The following ACKR2 variants were observed in gnomAD, a reference collection of about 807,000 sequenced individuals.
ACKR2 encodes the protein C-C chemokine receptor D6.
For missense variants in ACKR2, 457 were observed against 477.3 expected (o/e 0.96, Z 0.40); for synonymous variants, 207 against 192.2 (o/e 1.08, Z -0.64).
In ACKR2 at chr3:42,863,227, T is replaced by C. The variant is rs13062321; in HGVS notation, c.-37-1239T>C. On this transcript the variant is annotated intron_variant, in intron 2 of 2. Transcript: ENST00000422265. ...CAGATACTTCTCAAAAGAAGACATT[T>C]ATGCAGTCAACAAACATATGAAAAA... is the stretch of plus-strand genomic sequence containing the variant. 1.1e-3 allele frequency among the ~76,000 whole-genome samples: 169 copies of C among 152,324 alleles called. 1 individual carries two copies. The highest frequency in any genetic ancestry group is 2.0e-3 in the Non-Finnish European group (133 of 68,038).
chr3:42,810,321 A>T (rs1440140699), intron 1 of ACKR2, among the ~76,000 whole-genome samples: 1 of 152,148 alleles, frequency 6.6e-6, no homozygotes, highest in African/African-American at 2.4e-5. Flanking sequence ...GTTTAAAAAG[A>T]CTGGGTGTAT....
chr3:42,860,610 A>C (rs2088375765), intron 2 of ACKR2, among the ~76,000 whole-genome samples: 1 of 152,220 alleles, frequency 6.6e-6, no homozygotes, highest in Non-Finnish European at 1.5e-5. Flanking sequence ...ACATAATTGG[A>C]AGTAAAACAG....
chr3:42,816,120 A>G (rs558156626), intron 1 of ACKR2, among the ~76,000 whole-genome samples: 5 of 151,968 alleles, frequency 3.3e-5, no homozygotes, highest in Non-Finnish European at 5.9e-5. Context: ...TTGTTACGAC[A>G]TTCTGTGGGT....
At position 42,864,725 on chromosome 3, in the gene ACKR2, G is replaced by A. The variant is rs1022451688; in HGVS notation, c.223G>A (p.Val75Met). 5 of 1,614,190 alleles carry A rather than the reference G, an allele frequency of 3.1e-6. No individual in the cohort carries two copies. In the East Asian group the frequency reaches 6.7e-5, roughly 22 times the overall value. Residue 75 changes from valine to methionine, a missense_variant, in exon 3 of 3, where the codon GTG (valine) becomes ATG (methionine). By Grantham distance (21) the Val-to-Met change is conservative. Transcript: ENST00000422265. ...TCTTCTCATGGTCTTGCTCCGTTAC[G>A]TGCCTCGCAGGCGGATGGTTGAGAT... ...LLLLMVLLRYVPRRRMVEIYL... is the reference protein window; with the variant it reads ...LLLLMVLLRYMPRRRMVEIYL...
intron 2 of ACKR2, among the ~76,000 whole-genome samples, chr3:42,836,328 A>G (rs1422800580): frequency 6.6e-6 from 1 of 152,144 alleles, no homozygotes; most frequent in African/African-American, 2.4e-5. Context: ...CAATTCCACA[A>G]TCCACCAGAT....
At chr3:42,828,090 A>ATTTTTTTTTTTTTTTT (rs200255129) in intron 2 of ACKR2, among the ~76,000 whole-genome samples, 1 of 91,872 alleles carries the variant, frequency 1.1e-5, no homozygotes, top group African/African-American at 4.3e-5. Context: ...ATATATATAT[A>ATTTTTTTTTTTTTTTT]TATTTTTTTT....
chr3:42,830,492 A>C (rs1559686499), intron 2 of ACKR2, among the ~76,000 whole-genome samples: 1 of 152,062 alleles, frequency 6.6e-6, no homozygotes, highest in Non-Finnish European at 1.5e-5. Flanking sequence ...CTTGTTTTAA[A>C]ATTTTGTCTG....
chr3:42,813,388 A>G (rs2125601319), intron 1 of ACKR2, among the ~76,000 whole-genome samples: 1 of 152,320 alleles, frequency 6.6e-6, no homozygotes, highest in South Asian at 2.1e-4. Flanking sequence ...TAAAGAAAAG[A>G]GGTTTAATTG....
intron 2 of ACKR2, among the ~76,000 whole-genome samples, chr3:42,828,267 G>A (rs1182410837): frequency 6.6e-6 from 1 of 151,566 alleles, no homozygotes; most frequent in Admixed American, 6.6e-5. Context: ...CTGCCACCAC[G>A]CCCAGCTGAT....
intron 2 of ACKR2, among the ~76,000 whole-genome samples, chr3:42,842,169 C>CAG (rs1701045691): frequency 6.6e-6 from 1 of 152,132 alleles, no homozygotes; most frequent in Non-Finnish European, 1.5e-5. Flanking sequence ...ACAAACTGTG[C>CAG]AGAGACAGGA....
chr3:42,820,910 A>T (rs187717212), intron 2 of ACKR2, among the ~76,000 whole-genome samples: 5 of 148,990 alleles, frequency 3.4e-5, no homozygotes. Context: ...TTTGAGATGG[A>T]GTCTCACACT....
chr3:42,840,707 A>T (rs949915059), intron 2 of ACKR2, among the ~76,000 whole-genome samples: 6 of 152,214 alleles, frequency 3.9e-5, no homozygotes, highest in Admixed American at 6.5e-5. Context: ...TTTTTTGTTG[A>T]GACGGAGTCT....
At chr3:42,845,293 T>C (rs2125615590) in intron 2 of ACKR2, among the ~76,000 whole-genome samples, 1 of 152,278 alleles carries the variant, frequency 6.6e-6, no homozygotes. Flanking sequence ...AAGAAAAAAT[T>C]CAAAGACCCT....
At chr3:42,812,885 C>A (rs564634275) in intron 1 of ACKR2, among the ~76,000 whole-genome samples, 79 of 151,936 alleles carry the variant, frequency 5.2e-4, no homozygotes, top group African/African-American at 1.8e-3. Context: ...GACAGGGTTT[C>A]ACCTTTTTGG....
intron 2 of ACKR2, among the ~76,000 whole-genome samples, chr3:42,827,154 A>G (rs892499605): frequency 2.6e-5 from 4 of 152,194 alleles, no homozygotes; most frequent in African/African-American, 9.7e-5. Context: ...TCTGTCCTGG[A>G]GAATGCTGTA....
At position 42,866,177 on chromosome 3, in the gene ACKR2, C is replaced by CTTTTTTTTTTTTTTTTTTTT. The variant is rs59894863; in HGVS notation, c.*536_*537insTTTTTTTTTTTTTTTTTTTT. 1 of 122,046 alleles carries CTTTTTTTTTTTTTTTTTTTT rather than the reference C, an allele frequency of 8.2e-6. No individual in the cohort carries two copies. The highest frequency in any genetic ancestry group is 1.6e-5 in the Non-Finnish European group (1 of 60,720). The allele number at this position is 122,046 out of a possible 1,614,324, so 7.6% of individuals were successfully genotyped here. A position where few individuals can be genotyped will look rare whatever the true frequency, so the allele number is the denominator to read the frequency against. ...TTTTTTTTCTTTCTTTCTTTCTTTT[C>CTTTTTTTTTTTTTTTTTTTT]TTTTTTTTTTTTTTTTGAGACGGAG... On this transcript the variant is annotated 3_prime_UTR_variant, in exon 3 of 3. Coordinates refer to ENST00000422265, the MANE Select transcript of ACKR2 (RefSeq NM_001296.5).
At chr3:42,863,213 C>T (rs1229176283) in intron 2 of ACKR2, among the ~76,000 whole-genome samples, 1 of 151,904 alleles carries the variant, frequency 6.6e-6, no homozygotes, top group African/African-American at 2.4e-5. Flanking sequence ...AGATACTTCT[C>T]AAAAGAAGAC....
chr3:42,863,068 G>C (rs1269258072), intron 2 of ACKR2, among the ~76,000 whole-genome samples: 1 of 152,198 alleles, frequency 6.6e-6, no homozygotes, highest in African/African-American at 2.4e-5. Context: ...AGAGTGAACA[G>C]ACAACCTATA....
intron 1 of ACKR2, among the ~76,000 whole-genome samples, chr3:42,818,073 C>T (rs952457409): frequency 6.6e-6 from 1 of 152,096 alleles, no homozygotes; most frequent in Non-Finnish European, 1.5e-5. Flanking sequence ...CTTTTCTCTC[C>T]TCTGTCTGCC....
Sources: gnomAD v4.1 joint callset for allele counts (sites outside exome capture counted in the v4.1 genomes callset) on GRCh38, gnomAD v4.1.1 for gene constraint, MANE v1.5 for transcripts, NCBI Gene and HGNC (gene_info 2026-07-23, HGNC 2026-07-21) for gene names.